The following TET2 variants were observed in gnomAD, a reference collection of about 807,000 sequenced individuals.
The protein encoded by TET2 is tet methylcytosine dioxygenase 2.
TET2 carries 299 observed loss-of-function variants against 142.9 expected under a neutral mutation model. The ratio of observed to expected loss-of-function variants is 2.09; its 90% CI spans 1.90 to 2.30. TET2 has a LOEUF of 2.30. Ranked by LOEUF, TET2 falls within the 30% of genes most tolerant of loss-of-function variation. TET2 has a pLI of 0.00. For missense variants in TET2, 2,418 were observed against 2,378.0 expected (o/e 1.02, Z -0.35); for synonymous variants, 819 against 849.0 (o/e 0.96, Z 0.61).
chr4:105,254,967 A>G (rs1180659934), intron 6 of TET2, among the ~76,000 whole-genome samples: 1 of 152,162 alleles, frequency 6.6e-6, no homozygotes, highest in Non-Finnish European at 1.5e-5. Context: ...ACTGGTTCCT[A>G]CAGAGGTTTC....
At position 105,236,423 on chromosome 4, in the gene TET2, A is replaced by G; in HGVS notation, c.2481A>G (p.Ala827=). 1 of 1,614,084 alleles carries G rather than the reference A, an allele frequency of 6.2e-7. No individual in the cohort carries two copies. The highest frequency in any genetic ancestry group is 1.3e-5 in the African/African-American group (1 of 75,060). Reference sequence around the variant, plus strand: ...ATAGTCAGACCATGAAATCAAGTGCATGCAAAATACAGGTTTCTTGTTCAA... The same window carrying G: ...ATAGTCAGACCATGAAATCAAGTGCGTGCAAAATACAGGTTTCTTGTTCAA... ...SPYSQTMKSS[A]CKIQVSCSNN... Residue 827 remains alanine, a synonymous_variant, in exon 3 of 11, where the codon GCA becomes GCG. Transcript: ENST00000380013.
chr4:105,230,336 A>G (rs1728436075), intron 2 of TET2, among the ~76,000 whole-genome samples: 1 of 152,146 alleles, frequency 6.6e-6, no homozygotes, highest in African/African-American at 2.4e-5. Flanking sequence ...GAGCTACCAC[A>G]CCCAGCCTGT....
rs1212527584 is a variant in TET2 at position 105,239,288 on chromosome 4, G to GT, written c.3409+1938dup. The GT allele has an allele frequency of 1.2e-5, 3 of 240,598 alleles. No homozygotes were observed. The East Asian group carries it at 1.9e-4, about 15-fold the overall frequency. The allele number at this position is 240,598 out of a possible 1,614,324, so 14.9% of individuals were successfully genotyped here. A position where few individuals can be genotyped will look rare whatever the true frequency, so the allele number is the denominator to read the frequency against. Reference sequence around the variant, plus strand: ...TTAAAATCATCAACTGCATTAGCCTGTAACAAGAGAGTCAGCCTGTCCTTT... The same window carrying GT: ...TTAAAATCATCAACTGCATTAGCCTGTTAACAAGAGAGTCAGCCTGTCCTTT... On this transcript the variant is annotated intron_variant, in intron 3 of 10. Transcript: ENST00000380013.
chr4:105,186,647 T>C (rs1220169402), intron 1 of TET2, among the ~76,000 whole-genome samples: 1 of 151,986 alleles, frequency 6.6e-6, no homozygotes, highest in African/African-American at 2.4e-5. Context: ...AATTTTTATA[T>C]TTTTAGTAGA....
chr4:105,152,265 A>C (rs1384557306), intron 1 of TET2, among the ~76,000 whole-genome samples: 2 of 152,188 alleles, frequency 1.3e-5, no homozygotes, highest in Non-Finnish European at 2.9e-5. Context: ...TGGGCGAGGC[A>C]GAGAGACTCT....
chr4:105,231,438 T>C (rs1728499477), intron 2 of TET2, among the ~76,000 whole-genome samples: 1 of 152,176 alleles, frequency 6.6e-6, no homozygotes, highest in African/African-American at 2.4e-5. Context: ...ATTAATTTCT[T>C]CTATTATAAC....
chr4:105,236,416 C>G lies in TET2; in HGVS notation c.2474C>G (p.Ser825Ter), dbSNP rs1193321482. 3 of 1,613,822 alleles carry G rather than the reference C, an allele frequency of 1.9e-6. No homozygotes were observed. The highest frequency in any genetic ancestry group is 2.5e-6 in the Non-Finnish European group (3 of 1,179,950). ...RNSPYSQTMK[S>*]SACKIQVSCS... Reference sequence around the variant, plus strand: ...TCCCCTTATAGTCAGACCATGAAATCAAGTGCATGCAAAATACAGGTTTCT... The same window carrying G: ...TCCCCTTATAGTCAGACCATGAAATGAAGTGCATGCAAAATACAGGTTTCT... The change falls in exon 3 of 11, where the codon TCA (serine) becomes TGA (stop). Residue 825 changes from serine to a stop codon, truncating the protein, a stop_gained. Transcript: ENST00000380013. LOFTEE classifies it high-confidence loss of function.
intron 3 of TET2, chr4:105,238,248 C>T (rs1199302188): frequency 2.1e-5 from 5 of 237,604 alleles, no homozygotes; most frequent in Non-Finnish European, 3.6e-5. Flanking sequence ...CAGTATTGAT[C>T]GCTGTGGACT....
intron 1 of TET2, among the ~76,000 whole-genome samples, chr4:105,169,967 T>A (rs1356277718): frequency 2.6e-5 from 4 of 152,218 alleles, no homozygotes; most frequent in African/African-American, 4.8e-5. Flanking sequence ...AGTACCATGC[T>A]GTTTTGGTGT....
intron 10 of TET2, among the ~76,000 whole-genome samples, chr4:105,274,516 C>T (rs1040508257): frequency 6.6e-6 from 1 of 151,966 alleles, no homozygotes; most frequent in African/African-American, 2.4e-5. Flanking sequence ...CATTGCATGC[C>T]AGGCAATGAA....
intron 6 of TET2, among the ~76,000 whole-genome samples, chr4:105,251,010 A>G (rs1729846530): frequency 6.6e-6 from 1 of 151,784 alleles, no homozygotes; most frequent in African/African-American, 2.4e-5. Context: ...TTTTCTATGT[A>G]TTTTTTTTAT....
intron 2 of TET2, among the ~76,000 whole-genome samples, chr4:105,203,812 A>G (rs750635511): frequency 2.7e-4 from 41 of 152,328 alleles, no homozygotes; most frequent in Non-Finnish European, 4.9e-4. Flanking sequence ...TAAGGAATCT[A>G]CAGCCTCTGT....
intron 1 of TET2, among the ~76,000 whole-genome samples, chr4:105,169,794 A>T (rs183717217): frequency 1.3e-5 from 2 of 152,112 alleles, no homozygotes; most frequent in South Asian, 4.1e-4. Context: ...ATTCTTCTAT[A>T]TGTGGCTTAC....
chr4:105,265,314 A>G (rs576606153), intron 8 of TET2, among the ~76,000 whole-genome samples: 2 of 152,358 alleles, frequency 1.3e-5, no homozygotes, highest in East Asian at 1.9e-4. Flanking sequence ...AAACAGCCAC[A>G]TGTGGATAAT....
At chr4:105,258,527 G>A (rs1293809795) in intron 6 of TET2, among the ~76,000 whole-genome samples, 2 of 152,086 alleles carry the variant, frequency 1.3e-5, no homozygotes, top group Admixed American at 1.3e-4. Flanking sequence ...CTATGGAGGT[G>A]TCATTACTTT....
Position 105,237,118 on chromosome 4 carries a change from C to G in TET2, c.3176C>G (p.Ser1059Ter), listed in dbSNP as rs574131837. 1.2e-6 allele frequency: 2 copies of G among 1,613,980 alleles called. No individual in the cohort carries two copies. Among genetic ancestry groups the G allele is most frequent in the Non-Finnish European group, 1.7e-6 (2 of 1,180,006 alleles). The change falls in exon 3 of 11, where the codon TCA (serine) becomes TGA (stop). Residue 1059 changes from serine (S) to a stop codon, truncating the protein, a stop_gained. Transcript: ENST00000380013. LOFTEE classifies it high-confidence loss of function. ...CAGAAGCAAGTAAAAGTTGAAATGT[C>G]AGGGCCAGTCACAGTTTTGACTAGA... ...KSQKQVKVEMSGPVTVLTRQT... is the reference protein window; with the variant it reads ...KSQKQVKVEM
chr4:105,260,455 C>A (rs1418983870), intron 7 of TET2, among the ~76,000 whole-genome samples: 1 of 151,420 alleles, frequency 6.6e-6, no homozygotes, highest in Non-Finnish European at 1.5e-5. Context: ...ATAAACCCAT[C>A]CTAAAGTAAA....
In TET2 at chr4:105,210,090, A is replaced by G. The variant is rs80311433; in HGVS notation, c.-47+19585A>G. Among the ~76,000 whole-genome samples the G allele has an allele frequency of 1.4e-3, 214 of 152,316 alleles. 1 individual carries two copies. The highest frequency in any genetic ancestry group is 4.7e-3 in the African/African-American group (194 of 41,580). On this transcript the variant is annotated intron_variant, in intron 2 of 10. Coordinates refer to ENST00000380013, the MANE Select transcript of TET2 (RefSeq NM_001127208.3). ...TACCCCTCACACTGATGGGGAATGTAGATGACAGGTTTGGAGTGAAAGAAT... is the reference window on the plus strand; with the variant it reads ...TACCCCTCACACTGATGGGGAATGTGGATGACAGGTTTGGAGTGAAAGAAT...
At chr4:105,148,448 T>G (rs762378838) in intron 1 of TET2, among the ~76,000 whole-genome samples, 1 of 152,194 alleles carries the variant, frequency 6.6e-6, no homozygotes, top group Non-Finnish European at 1.5e-5. Context: ...CTTTTTCCCC[T>G]TCAGTCAGGG....
Sources: gnomAD v4.1 joint callset for allele counts (sites outside exome capture counted in the v4.1 genomes callset) on GRCh38, gnomAD v4.1.1 for gene constraint, MANE v1.5 for transcripts, NCBI Gene and HGNC (gene_info 2026-07-23, HGNC 2026-07-21) for gene names.